The following SCARF1 variants were observed in gnomAD, a reference collection of about 807,000 sequenced individuals.
SCARF1 encodes the protein scavenger receptor class F member 1.
SCARF1 carries 49 observed loss-of-function variants against 76.3 expected under a neutral mutation model. That is an observed-to-expected ratio of 0.64 (90% CI 0.51 to 0.81). The LOEUF (loss-of-function observed/expected upper bound fraction) is 0.81, where lower values mean the gene tolerates loss of function less well. Among genes scored for constraint, SCARF1 ranks in the 40% least tolerant of loss-of-function variants. SCARF1 has a pLI of 0.00. For missense variants in SCARF1, 1,098 were observed against 1,143.9 expected (o/e 0.96, Z 0.58); for synonymous variants, 495 against 474.6 (o/e 1.04, Z -0.56).
chr17:1,643,719 A>G lies in SCARF1; in HGVS notation c.514T>C (p.Cys172Arg). The change falls in exon 4 of 11, where the codon TGC (cysteine) becomes CGC (arginine). Residue 172 changes from cysteine (C) to arginine (R), a missense_variant. By Grantham distance (180) the Cys-to-Arg change is radical. Transcript: ENST00000263071. ...PCQCNTAAAR[C>R]EQATGACVCK... ...ACGCAGGCGCCCGTGGCCTGCTCGC[A>G]GCGCGCCGCCGCGGTGTTGCACTGG... is the stretch of plus-strand genomic sequence containing the variant. 7.5e-7 allele frequency: 1 copy of G among 1,335,758 alleles called. No homozygotes were observed. The highest frequency in any genetic ancestry group is 9.5e-7 in the Non-Finnish European group (1 of 1,050,374). The allele number at this position is 1,335,758 out of a possible 1,614,324, so 82.7% of individuals were successfully genotyped here. A position where few individuals can be genotyped will look rare whatever the true frequency, so the allele number is the denominator to read the frequency against.
In SCARF1 at chr17:1,645,193, G is replaced by A; in HGVS notation, c.148C>T (p.Gln50Ter). Residue 50 changes from glutamine (Q) to a stop codon, truncating the protein, a stop_gained, in exon 2 of 11, where the codon CAA becomes TAA. Coordinates refer to ENST00000263071, the MANE Select transcript of SCARF1 (RefSeq NM_003693.4). LOFTEE classifies it high-confidence loss of function. The surrounding 1 kb of genome is among the most constrained non-coding windows in gnomAD (Gnocchi z 6.3). The part of the protein sequence containing the change: ...QCCAGWRQKD[Q>*]ECTIPICEGP... ...GGCTACTCACGGATGGTGCATTCTT[G>A]ATCCTTCTGCCTCCAGCCTGCGCAG... The A allele has an allele frequency of 6.2e-7, 1 of 1,613,784 alleles. No homozygotes were observed.
chr17:1,641,477 T>C (rs1234096547), intron 4 of SCARF1, among the ~76,000 whole-genome samples: 1 of 152,138 alleles, frequency 6.6e-6, no homozygotes, highest in African/African-American at 2.4e-5. Flanking sequence ...AATAGAAAAA[T>C]TGTCTGCCAT....
At position 1,645,105 on chromosome 17, in the gene SCARF1, G is replaced by T. The variant is rs1910424309; in HGVS notation, c.163+73C>A. ...GTATCAGGAGGGGCAGGCCCCATGG[G>T]GTAGGAAGGAAGGGTTGTCACTGGG... On this transcript the variant is annotated intron_variant, in intron 2 of 10. Transcript: ENST00000263071. The surrounding 1 kb of genome is among the most constrained non-coding windows in gnomAD (Gnocchi z 6.3). 3.8e-6 allele frequency: 6 copies of T among 1,594,468 alleles called. No individual in the cohort carries two copies. The East Asian group carries it at 1.3e-4, about 36-fold the overall frequency.
Position 1,642,203 on chromosome 17 carries a change from C to CT in SCARF1, c.791+1238dup, listed in dbSNP as rs562839573. On this transcript the variant is annotated intron_variant, in intron 4 of 10. Coordinates refer to ENST00000263071, the MANE Select transcript of SCARF1 (RefSeq NM_003693.4). ...TTATATATATTTTTTTATTATTATA[C>CT]TTTAAGTTTTAGGGTACATGTGCAC... Among the ~76,000 whole-genome samples the CT allele has an allele frequency of 1.9e-3, 289 of 150,724 alleles. 4 individuals carry two copies. The highest frequency in any genetic ancestry group is 6.8e-3 in the African/African-American group (280 of 41,114).
chr17:1,636,356 C>T lies in SCARF1; in HGVS notation c.1633+353G>A, dbSNP rs138166903. Among the ~76,000 whole-genome samples the T allele has an allele frequency of 1.4e-4, 22 of 152,264 alleles. 1 individual carries two copies. Among genetic ancestry groups the T allele is most frequent in the East Asian group, 1.2e-3 (6 of 5,184 alleles). On this transcript the variant is annotated intron_variant, in intron 10 of 10. Coordinates refer to ENST00000263071, the MANE Select transcript of SCARF1 (RefSeq NM_003693.4). Reference sequence around the variant, plus strand: ...GGGCCCTTAATAACTGTTTGCTGGCCAGGCGCAGTGGCTCATGCCTGTAAT... The same window carrying T: ...GGGCCCTTAATAACTGTTTGCTGGCTAGGCGCAGTGGCTCATGCCTGTAAT...
In SCARF1 at chr17:1,640,423, A is replaced by C; in HGVS notation, c.1010+25T>G. The C allele has an allele frequency of 6.5e-7, 1 of 1,539,946 alleles. No individual in the cohort carries two copies. The highest frequency in any genetic ancestry group is 2.5e-5 in the East Asian group (1 of 40,714). ...AGGGTCCTGGGGGAAGGTGTACCCC[A>C]CCCTGAACAGAATGGTGCCCTCACC... On this transcript the variant is annotated intron_variant, in intron 5 of 10. Transcript: ENST00000263071. The surrounding 1 kb of genome is among the most constrained non-coding windows in gnomAD (Gnocchi z 4.7).
At chr17:1,639,523 A>G (rs1909860481) in intron 7 of SCARF1, 116 bp downstream of exon 7, 1 of 709,592 alleles carries the variant, frequency 1.4e-6, no homozygotes, top group Admixed American at 2.7e-5. Context: ...AAAAAAAAAA[A>G]AAAAGAATAT....
In SCARF1 at chr17:1,640,117, C is replaced by T; in HGVS notation, c.1011-77G>A. ...CACTGTGGGGCCCCACCCCTCCGCC[C>T]CACGCTCCTGGACTCAAGGACCCAA... is the stretch of plus-strand genomic sequence containing the variant. On this transcript the variant is annotated intron_variant, in intron 5 of 10. Transcript: ENST00000263071. The surrounding 1 kb of genome is among the most constrained non-coding windows in gnomAD (Gnocchi z 4.7). The T allele has an allele frequency of 1.3e-6, 2 of 1,544,318 alleles. No individual in the cohort carries two copies. Among genetic ancestry groups the T allele is most frequent in the Admixed American group, 3.7e-5 (2 of 53,770 alleles).
At chr17:1,635,673 C>A in intron 10 of SCARF1, 56 bp from the exon 11 acceptor site, 2 of 1,538,920 alleles carry the variant, frequency 1.3e-6, no homozygotes, top group South Asian at 1.2e-5. Flanking sequence ...CCCAATGCAT[C>A]CTACCCACAG....
rs199498452 is a variant in SCARF1, at chr17:1,640,068, G to A, written c.1011-28C>T. On this transcript the variant is annotated intron_variant, in intron 5 of 10. Transcript: ENST00000263071. This position sits in a 1 kb window ranked among gnomAD's most constrained non-coding sequence, Gnocchi z 4.7. ...GGGGTGAGGCAAGACTCGGGGAAGG[G>A]GAGACCAAGGCAGGCCTGGCCCCCA... 1.1e-5 allele frequency: 17 copies of A among 1,609,908 alleles called. No individual in the cohort carries two copies. The highest frequency in any genetic ancestry group is 2.2e-5 in the East Asian group (1 of 44,892).
In SCARF1 at chr17:1,643,644, G is replaced by A; in HGVS notation, c.589C>T (p.His197Tyr). 1 of 1,472,280 alleles carries A rather than the reference G, an allele frequency of 6.8e-7. No individual in the cohort carries two copies. The highest frequency in any genetic ancestry group is 1.3e-5 in the South Asian group (1 of 78,220). 91.2% of individuals were successfully genotyped at this position (1,472,280 alleles called of 1,614,324 possible). ...GAGTCCTGCTCGCACGGGGAGCCGT[G>A]GCAGTTGCAGCGGAAGCTGCAGCGG... ...GRRCSFRCNCHGSPCEQDSGR... is the reference protein window; with the variant it reads ...GRRCSFRCNCYGSPCEQDSGR... Residue 197 changes from histidine (H) to tyrosine (Y), a missense_variant, in exon 4 of 11, where the codon CAC becomes TAC. By Grantham distance (83) the His-to-Tyr change is moderately conservative (BLOSUM62 2). Transcript: ENST00000263071.
rs748855276 is a variant in SCARF1, at chr17:1,638,832, C to CCAG, written c.1335_1337dup (p.Cys445dup). 2 of 1,600,366 alleles carry CCAG rather than the reference C, an allele frequency of 1.2e-6. No homozygotes were observed. The highest frequency in any genetic ancestry group is 2.2e-5 in the East Asian group (1 of 44,460). On this transcript the variant is annotated inframe_insertion, in exon 8 of 11. Coordinates refer to ENST00000263071, the MANE Select transcript of SCARF1 (RefSeq NM_003693.4). The stretch of plus-strand genomic sequence containing the variant: ...TGTCCTTGAGGTCTGATCGGGGGGC[C>CCAG]CAGCAGCAGCAGGCACAGCAGGCAA...
rs1415813051 is a variant in SCARF1 at position 1,640,696 on chromosome 17, TG to T, written c.792-31del. The T allele has an allele frequency of 1.3e-6, 2 of 1,588,704 alleles. No homozygotes were observed. The highest frequency in any genetic ancestry group is 1.7e-6 in the Non-Finnish European group (2 of 1,163,702). On this transcript the variant is annotated intron_variant, in intron 4 of 10. Transcript: ENST00000263071. The surrounding 1 kb of genome is among the most constrained non-coding windows in gnomAD (Gnocchi z 4.7). ...GAAGAGAAGGGCTTCGTGGGAACAG[TG>T]GGGGTGGATGGATGGAGCGCCCACC...
At chr17:1,636,506 G>T (rs749189624) in intron 10 of SCARF1, among the ~76,000 whole-genome samples, 1 of 152,152 alleles carries the variant, frequency 6.6e-6, no homozygotes, top group Non-Finnish European at 1.5e-5. Context: ...CCAGCTATTT[G>T]GGAGGCTGAG....
In SCARF1 at chr17:1,644,628, G is replaced by A. The variant is rs1768061799; in HGVS notation, c.265+206C>T. On this transcript the variant is annotated intron_variant, in intron 3 of 10. Transcript: ENST00000263071. The surrounding 1 kb of genome is among the most constrained non-coding windows in gnomAD (Gnocchi z 4.8). ...GATGCTCAGGTGGGCAGTGCTTTGTGGATGTGGGTAAAAACCCGGTGACTC... is the reference window on the plus strand; with the variant it reads ...GATGCTCAGGTGGGCAGTGCTTTGTAGATGTGGGTAAAAACCCGGTGACTC... 5.0e-6 allele frequency: 3 copies of A among 602,216 alleles called. No individual in the cohort carries two copies. Among genetic ancestry groups the A allele is most frequent in the Admixed American group, 2.9e-5 (1 of 34,814 alleles). 37.3% of individuals were successfully genotyped at this position (602,216 alleles called of 1,614,324 possible). A position where few individuals can be genotyped will look rare whatever the true frequency, so the allele number is the denominator to read the frequency against.
Position 1,634,931 on chromosome 17 carries a change from C to G in SCARF1, c.2320G>C (p.Glu774Gln), listed in dbSNP as rs1307470404. The change falls in exon 11 of 11, where the codon GAG (glutamate) becomes CAG (glutamine). Residue 774 changes from glutamate (E) to glutamine (Q), a missense_variant. Glu to Gln is a conservative substitution (Grantham distance 29). Transcript: ENST00000263071. ...GATGPMAVRP[E>Q]EAVRGLGAGT... ...GCCCCCAGCCCCCGGACCGCTTCCT[C>G]TGGTCTGACTGCCATAGGCCCTGTG... 1 of 1,613,578 alleles carries G rather than the reference C, an allele frequency of 6.2e-7. No homozygotes were observed. The highest frequency in any genetic ancestry group is 1.1e-5 in the South Asian group (1 of 91,084).
intron 7 of SCARF1, among the ~76,000 whole-genome samples, chr17:1,639,146 G>A (rs898463322): frequency 3.9e-5 from 6 of 152,206 alleles, no homozygotes; most frequent in African/African-American, 9.6e-5. Flanking sequence ...GCCTGGTTTC[G>A]CAGGGGCGGG....
chr17:1,639,930 G>A lies in SCARF1; in HGVS notation c.1121C>T (p.Ala374Val). 1.2e-6 allele frequency: 2 copies of A among 1,613,880 alleles called. No homozygotes were observed. Residue 374 changes from alanine (A) to valine (V), a missense_variant, in exon 6 of 11, where the codon GCC becomes GTC. Transcript: ENST00000263071. ...TCCTTACCTGGGCCCCCAGTAGCCG[G>A]CACTGCAGACACAGTCCCCTGTCAC... ...DTVTGDCVCSAGYWGPSCNAS... is the reference protein window; with the variant it reads ...DTVTGDCVCSVGYWGPSCNAS...
Position 1,634,902 on chromosome 17 carries a change from G to C in SCARF1, c.2349C>G (p.Gly783=). The C allele has an allele frequency of 6.2e-7, 1 of 1,613,504 alleles. No homozygotes were observed. Among genetic ancestry groups the C allele is most frequent in the Non-Finnish European group, 8.5e-7 (1 of 1,179,946 alleles). Reference sequence around the variant, plus strand: ...CCTGGGCTCTCCTTGAACTCTCGGTGCCAGCCCCCAGCCCCCGGACCGCTT... The same window carrying C: ...CCTGGGCTCTCCTTGAACTCTCGGTCCCAGCCCCCAGCCCCCGGACCGCTT... ...PEEAVRGLGA[G]TESSRRAQEP... The change falls in exon 11 of 11, where the codon GGC becomes GGG. Residue 783 remains glycine, a synonymous_variant. Transcript: ENST00000263071.
Sources: gnomAD v4.1 joint callset for allele counts (sites outside exome capture counted in the v4.1 genomes callset) on GRCh38, gnomAD v4.1.1 for gene constraint, Gnocchi (gnomAD v3.1) non-coding constraint, MANE v1.5 for transcripts, NCBI Gene and HGNC (gene_info 2026-07-23, HGNC 2026-07-21) for gene names.